Variants in THSD7A observed in about 807,000 individuals in gnomAD.
THSD7A encodes thrombospondin type 1 domain containing 7A.
Under a neutral mutation model 231.3 loss-of-function variants are expected in THSD7A, and 96 were observed. That is an observed-to-expected ratio of 0.41 (90% CI 0.35 to 0.49). The LOEUF (loss-of-function observed/expected upper bound fraction) is 0.49. Among genes scored for constraint, THSD7A ranks in the 20% least tolerant of loss-of-function variants. The pLI is 0.05. For missense variants in THSD7A, 2,290 were observed against 2,070.2 expected, an observed-to-expected ratio of 1.11 and a Z score of -2.06; for synonymous variants, 940 against 743.3, an observed-to-expected ratio of 1.26 and a Z score of -4.30.
chr7:11,680,709 T>G lies in THSD7A; in HGVS notation c.191-43748A>C, dbSNP rs538978599. Among the ~76,000 whole-genome samples, 344 of 152,208 alleles carry G rather than the reference T, an allele frequency of 2.3e-3. 5 individuals are homozygous for G. Among genetic ancestry groups the G allele is most frequent in the Non-Finnish European group, 2.0e-3 (139 of 68,018 alleles). On this transcript the variant is annotated intron_variant, in intron 1 of 27. Transcript: ENST00000423059. ...TCAAAATTCAGGAAATAACAGATGC[T>G]GGAGAGGATGTGGAGAAATAAGAAT...
At chr7:11,456,977 A>G (rs1039255150) in intron 11 of THSD7A, among the ~76,000 whole-genome samples, 1 of 152,096 alleles carries the variant, frequency 6.6e-6, no homozygotes, top group African/African-American at 2.4e-5. Flanking sequence ...CAATAATTTA[A>G]AGTTAATAAC....
chr7:11,497,936 C>A (rs1157079567), intron 6 of THSD7A, among the ~76,000 whole-genome samples: 1 of 152,136 alleles, frequency 6.6e-6, no homozygotes, highest in Non-Finnish European at 1.5e-5. Context: ...CCCCACAGAT[C>A]TTTGCAACCC....
At chr7:11,534,714 T>A (rs1489591110) in intron 6 of THSD7A, among the ~76,000 whole-genome samples, 1 of 152,126 alleles carries the variant, frequency 6.6e-6, no homozygotes, top group African/African-American at 2.4e-5. Flanking sequence ...GAAGACAATA[T>A]TTTACAGAGA....
intron 4 of THSD7A, among the ~76,000 whole-genome samples, chr7:11,560,797 GT>G (rs34299760): frequency 0.22 from 32,695 of 152,028 alleles, 4,114 homozygotes; most frequent in Admixed American, 0.4. Context: ...GTTCCTGGTG[GT>G]TTGTGGCTGA....
intron 24 of THSD7A, 26 bp downstream of exon 24, chr7:11,382,495 A>G (rs1226066293): frequency 3.2e-5 from 50 of 1,569,650 alleles, no homozygotes; most frequent in Non-Finnish European, 4.2e-5. Flanking sequence ...AGATTTTCAA[A>G]GGACAAAGAG....
At chr7:11,815,339 A>G (rs1167291321) in intron 1 of THSD7A, among the ~76,000 whole-genome samples, 2 of 151,972 alleles carry the variant, frequency 1.3e-5, no homozygotes, top group Non-Finnish European at 2.9e-5. Context: ...TCTCTTAACC[A>G]GGTAGTCCAC....
At chr7:11,640,334 T>G (rs1782034814) in intron 1 of THSD7A, among the ~76,000 whole-genome samples, 1 of 152,194 alleles carries the variant, frequency 6.6e-6, no homozygotes, top group Non-Finnish European at 1.5e-5. Context: ...CAGATGCCAT[T>G]TGCATAATTA....
At chr7:11,824,346 T>A (rs1162329659) in intron 1 of THSD7A, among the ~76,000 whole-genome samples, 1 of 152,042 alleles carries the variant, frequency 6.6e-6, no homozygotes, top group Non-Finnish European at 1.5e-5. Context: ...TTCTAACTCA[T>A]ATCAGAGGTC....
chr7:11,675,810 C>G (rs535996760), intron 1 of THSD7A, among the ~76,000 whole-genome samples: 1 of 152,180 alleles, frequency 6.6e-6, no homozygotes, highest in Non-Finnish European at 1.5e-5. Flanking sequence ...GACAGAGCAA[C>G]TGAGGTAAGG....
At chr7:11,807,975 C>G (rs781271472) in intron 1 of THSD7A, among the ~76,000 whole-genome samples, 27 of 152,132 alleles carry the variant, frequency 1.8e-4, no homozygotes, top group Admixed American at 9.8e-4. Flanking sequence ...CTGAAACTCA[C>G]TCCCGTACCT....
intron 6 of THSD7A, among the ~76,000 whole-genome samples, chr7:11,535,777 GC>G (rs1788891484): frequency 6.6e-6 from 1 of 152,150 alleles, no homozygotes; most frequent in South Asian, 2.1e-4. Context: ...GAATGATCAT[GC>G]ATTTGAAGTT....
intron 1 of THSD7A, among the ~76,000 whole-genome samples, chr7:11,748,572 TC>T (rs1486460598): frequency 6.6e-6 from 1 of 151,904 alleles, no homozygotes; most frequent in African/African-American, 2.4e-5. Context: ...TAAAATACCC[TC>T]AGAACAAAGT....
At chr7:11,603,831 G>C (rs553069082) in intron 2 of THSD7A, among the ~76,000 whole-genome samples, 3 of 144,326 alleles carry the variant, frequency 2.1e-5, no homozygotes, top group Non-Finnish European at 4.5e-5. Context: ...TGAACAACGA[G>C]ATCACATGGA....
chr7:11,440,590 T>C (rs1427764317), intron 13 of THSD7A, among the ~76,000 whole-genome samples: 2 of 151,948 alleles, frequency 1.3e-5, no homozygotes, highest in Admixed American at 6.6e-5. Context: ...ATGGATGACT[T>C]TGAGGGGGTT....
intron 1 of THSD7A, among the ~76,000 whole-genome samples, chr7:11,667,080 G>A (rs1783164335): frequency 6.6e-6 from 1 of 151,746 alleles, no homozygotes. Context: ...AATAGTTTTG[G>A]GGGTACAGGT....
intron 1 of THSD7A, among the ~76,000 whole-genome samples, chr7:11,660,176 C>T (rs1325275323): frequency 1.3e-5 from 2 of 151,494 alleles, no homozygotes; most frequent in Non-Finnish European, 3.0e-5. Flanking sequence ...TTTCTGCTTT[C>T]AACAGATAGA....
chr7:11,581,846 T>C (rs1364780416), intron 4 of THSD7A, among the ~76,000 whole-genome samples: 2 of 152,142 alleles, frequency 1.3e-5, no homozygotes, highest in Non-Finnish European at 2.9e-5. Context: ...ATTTTTACCA[T>C]GCTTTGTATA....
chr7:11,543,022 G>C lies in THSD7A; in HGVS notation c.1549C>G (p.Pro517Ala), dbSNP rs1458914502. The C allele has an allele frequency of 2.5e-6, 4 of 1,613,860 alleles. No homozygotes were observed. Among genetic ancestry groups the C allele is most frequent in the Non-Finnish European group, 3.4e-6 (4 of 1,179,826 alleles). ...GTACAAGGTCCCCAAGCTGACCAAG[G>C]TGAAACTTCACATTCAGTTGGACAA... ...IPCPTECEVS[P>A]WSAWGPCTYE... The change falls in exon 5 of 28, where the codon CCT (proline) becomes GCT (alanine). Residue 517 changes from proline (P) to alanine (A), a missense_variant. Coordinates refer to ENST00000423059, the MANE Select transcript of THSD7A (RefSeq NM_015204.3).
At chr7:11,487,812 A>G (rs929740494) in intron 6 of THSD7A, among the ~76,000 whole-genome samples, 3 of 151,994 alleles carry the variant, frequency 2.0e-5, no homozygotes, top group Admixed American at 6.6e-5. Context: ...AATTATCTCC[A>G]CCTGGCCCCA....
Sources: allele counts gnomAD v4.1 joint callset (sites outside exome capture counted in the v4.1 genomes callset), GRCh38; gene constraint gnomAD v4.1.1; transcripts MANE v1.5; gene names NCBI Gene and HGNC (gene_info 2026-07-23, HGNC 2026-07-21).